Variants in CAMK2G observed in about 807,000 individuals in gnomAD.
The protein encoded by CAMK2G is calcium/calmodulin dependent protein kinase II gamma, also known as calcium/calmodulin-dependent protein kinase type II subunit gamma.
A neutral mutation model predicts 88.7 loss-of-function variants in CAMK2G; 23 were observed. That is an observed-to-expected ratio of 0.26 (90% CI 0.19 to 0.37). CAMK2G has a LOEUF of 0.37. CAMK2G is among the 10% of genes least tolerant of loss of function. CAMK2G has a pLI of 1.00. For missense variants in CAMK2G, 476 were observed against 780.8 expected, an observed-to-expected ratio of 0.61 and a Z score of 4.65; for synonymous variants, 263 against 294.8, an observed-to-expected ratio of 0.89 and a Z score of 1.11.
intron 2 of CAMK2G, among the ~76,000 whole-genome samples, chr10:73,863,704 C>T (rs1303001929): frequency 6.6e-6 from 1 of 152,200 alleles, no homozygotes; most frequent in Non-Finnish European, 1.5e-5. Flanking sequence ...ACAACAGCAA[C>T]AGCACTAAAA....
At chr10:73,817,341 C>A in intron 20 of CAMK2G, 138 bp downstream of exon 20, 1 of 808,202 alleles carries the variant, frequency 1.2e-6, no homozygotes, top group South Asian at 1.7e-5. Context: ...GAAGGGCTCC[C>A]AGTTTAGGAG....
In CAMK2G at chr10:73,817,340, C is replaced by A. The variant is rs148966488; in HGVS notation, c.1439+139G>T. On this transcript the variant is annotated intron_variant, in intron 20 of 22. Transcript: ENST00000423381. ...TCAGGGAATCTACCTGGAAGGGCTCCCAGTTTAGGAGAGGGCTTAACTCAG... is the reference window on the plus strand; with the variant it reads ...TCAGGGAATCTACCTGGAAGGGCTCACAGTTTAGGAGAGGGCTTAACTCAG... 1.2e-4 allele frequency: 93 copies of A among 807,904 alleles called. No individual in the cohort carries two copies. In the African/African-American group the frequency reaches 1.4e-3, roughly 12 times the overall value. 50.0% of individuals were successfully genotyped at this position (807,904 alleles called of 1,614,324 possible).
Position 73,853,122 on chromosome 10 carries a change from C to T in CAMK2G, c.275+70G>A, listed in dbSNP as rs766659498. ...CGGAGGCTGGAGAGCCTGTTTAGGC[C>T]TCTTCCTGAGCCTTCATTTTGAGTC... On this transcript the variant is annotated intron_variant, in intron 4 of 22. Coordinates refer to ENST00000423381, the MANE Select transcript of CAMK2G (RefSeq NM_001367534.1). 51 of 1,443,418 alleles carry T rather than the reference C, an allele frequency of 3.5e-5. No homozygotes were observed. The South Asian group carries it at 5.6e-4, about 16-fold the overall frequency. The allele number at this position is 1,443,418 out of a possible 1,614,324, so 89.4% of individuals were successfully genotyped here.
intron 22 of CAMK2G, 24 bp downstream of exon 22, chr10:73,814,979 C>G: frequency 6.5e-7 from 1 of 1,527,566 alleles, no homozygotes; most frequent in Non-Finnish European, 9.0e-7. Context: ...CTTCCAGCCC[C>G]TCTCCCCCGT....
intron 19 of CAMK2G, chr10:73,818,788 G>T (rs1431167773): frequency 4.4e-6 from 2 of 456,264 alleles, no homozygotes; most frequent in Non-Finnish European, 8.8e-6. Flanking sequence ...CCATCTGGAT[G>T]ACCTGACTGG....
At chr10:73,836,080 C>T (rs1255573396) in intron 14 of CAMK2G, among the ~76,000 whole-genome samples, 1 of 151,850 alleles carries the variant, frequency 6.6e-6, no homozygotes, top group African/African-American at 2.4e-5. Flanking sequence ...GTGATCCACC[C>T]GCCTTAGCCT....
chr10:73,851,757 G>C (rs575936588), intron 5 of CAMK2G, among the ~76,000 whole-genome samples: 2 of 147,068 alleles, frequency 1.4e-5, no homozygotes, highest in East Asian at 2.0e-4. Flanking sequence ...TTGTGGGGGG[G>C]GGGAGGGGGA....
chr10:73,845,592 A>AAG (rs1565368995), intron 10 of CAMK2G, among the ~76,000 whole-genome samples: 1 of 150,966 alleles, frequency 6.6e-6, no homozygotes. Context: ...AAAAAAAAAA[A>AAG]AGAGAAAACC....
intron 2 of CAMK2G, among the ~76,000 whole-genome samples, chr10:73,869,136 C>T (rs1024899010): frequency 3.9e-5 from 6 of 152,210 alleles, no homozygotes; most frequent in African/African-American, 1.2e-4. Context: ...TGGCTCATGC[C>T]TCACCTGCAT....
intron 3 of CAMK2G, among the ~76,000 whole-genome samples, chr10:73,855,277 C>G (rs1023951983): frequency 1.3e-5 from 2 of 152,198 alleles, no homozygotes; most frequent in African/African-American, 4.8e-5. Flanking sequence ...TCCAAAAGGA[C>G]TTTCCATTTA....
intron 14 of CAMK2G, among the ~76,000 whole-genome samples, chr10:73,831,924 CTTTT>C (rs913430462): frequency 6.7e-6 from 1 of 148,888 alleles, no homozygotes; most frequent in Non-Finnish European, 1.5e-5. Context: ...TACCTCTTTT[CTTTT>C]TTTTTTAATT....
At chr10:73,835,616 C>G (rs997058822) in intron 14 of CAMK2G, among the ~76,000 whole-genome samples, 13 of 151,608 alleles carry the variant, frequency 8.6e-5, no homozygotes, top group Admixed American at 1.3e-4. Context: ...TATCAGCACT[C>G]TCACCATAGC....
chr10:73,839,419 C>A lies in CAMK2G; in HGVS notation c.1009+120G>T, dbSNP rs1210679155. ...CAAGTTAGGTAGTCTGTCTGGCATG[C>A]CCATCTCAGCCCGCAAGCATGGGAC... On this transcript the variant is annotated intron_variant, in intron 13 of 22. Coordinates refer to ENST00000423381, the MANE Select transcript of CAMK2G (RefSeq NM_001367534.1). The surrounding 1 kb of genome is among the most constrained non-coding windows in gnomAD (Gnocchi z 4.2). 1.1e-5 allele frequency: 5 copies of A among 470,392 alleles called. No individual in the cohort carries two copies. In the East Asian group the frequency reaches 1.8e-4, roughly 17 times the overall value. The allele number at this position is 470,392 out of a possible 1,614,324, so 29.1% of individuals were successfully genotyped here. A position where few individuals can be genotyped will look rare whatever the true frequency, so the allele number is the denominator to read the frequency against.
chr10:73,831,534 TAAAAAAAAAA>T (rs985986206), intron 14 of CAMK2G, among the ~76,000 whole-genome samples: 1 of 54,614 alleles, frequency 1.8e-5, no homozygotes, highest in African/African-American at 7.4e-5. Context: ...AGACTCCGTC[TAAAAAAAAAA>T]AAAAAAAAAA....
chr10:73,872,754 T>C (rs563780941), intron 2 of CAMK2G, among the ~76,000 whole-genome samples: 51 of 152,300 alleles, frequency 3.3e-4, no homozygotes, highest in Admixed American at 3.3e-3. Flanking sequence ...CTTGAGCCTT[T>C]GGGGGCCACT....
intron 16 of CAMK2G, 67 bp downstream of exon 16, chr10:73,825,212 A>G: frequency 9.0e-7 from 1 of 1,106,200 alleles, no homozygotes; most frequent in Non-Finnish European, 1.4e-6. Flanking sequence ...GGGGCACAAG[A>G]GGAGGAAGAG....
At chr10:73,819,708 C>A in intron 18 of CAMK2G, 63 bp from the exon 19 acceptor site, 1 of 1,072,940 alleles carries the variant, frequency 9.3e-7, no homozygotes, top group Non-Finnish European at 1.3e-6. Context: ...CAGAACAAGG[C>A]AGGTGAGCGA....
intron 14 of CAMK2G, among the ~76,000 whole-genome samples, chr10:73,833,940 A>T (rs2092878124): frequency 1.3e-5 from 1 of 75,494 alleles, no homozygotes; most frequent in Non-Finnish European, 2.2e-5. Context: ...TTTTTTTGAG[A>T]CGGAGTCTTG....
At chr10:73,833,162 T>C (rs2092726074) in intron 14 of CAMK2G, among the ~76,000 whole-genome samples, 1 of 150,888 alleles carries the variant, frequency 6.6e-6, no homozygotes. Context: ...GGGGTCTCAC[T>C]ACGTTTCCCA....
Sources: gnomAD v4.1 joint callset for allele counts (sites outside exome capture counted in the v4.1 genomes callset) on GRCh38, gnomAD v4.1.1 for gene constraint, Gnocchi (gnomAD v3.1) non-coding constraint, MANE v1.5 for transcripts, NCBI Gene and HGNC (gene_info 2026-07-23, HGNC 2026-07-21) for gene names.